The following TRPM3 variants were observed in gnomAD, a reference collection of about 807,000 sequenced individuals.
The protein encoded by TRPM3 is long transient receptor potential channel 3.
A neutral mutation model predicts 181.2 loss-of-function variants in TRPM3; 77 were observed. The ratio of observed to expected loss-of-function variants is 0.42; its 90% CI spans 0.35 to 0.51. TRPM3 has a LOEUF of 0.51. Ranked by LOEUF, TRPM3 falls within the 20% of genes least tolerant of loss-of-function variation. TRPM3 has a pLI of 0.01. For missense variants in TRPM3, 1,759 were observed against 2,196.7 expected, an observed-to-expected ratio of 0.80 and a Z score of 3.98; for synonymous variants, 745 against 796.4, an observed-to-expected ratio of 0.94 and a Z score of 1.09.
chr9:70,924,682 G>C (rs2096702319), intron 1 of TRPM3, among the ~76,000 whole-genome samples: 1 of 152,092 alleles, frequency 6.6e-6, no homozygotes, highest in African/African-American at 2.4e-5. Context: ...GGCCAGCTCG[G>C]TTTCTACCAT....
chr9:71,298,111 C>T (rs1006844548), intron 1 of TRPM3, among the ~76,000 whole-genome samples: 2 of 151,916 alleles, frequency 1.3e-5, no homozygotes, highest in Non-Finnish European at 1.5e-5. Context: ...AAAAAAGTTC[C>T]TCTAGTAAAC....
intron 1 of TRPM3, among the ~76,000 whole-genome samples, chr9:70,999,362 G>A (rs1413316681): frequency 6.6e-6 from 1 of 152,188 alleles, no homozygotes; most frequent in Non-Finnish European, 1.5e-5. Context: ...CCAGAATTTA[G>A]CATCATTCTT....
intron 1 of TRPM3, among the ~76,000 whole-genome samples, chr9:71,091,370 A>G (rs983902771): frequency 8.5e-5 from 13 of 152,132 alleles, no homozygotes; most frequent in Non-Finnish European, 1.6e-4. Context: ...AGTCTTAGTC[A>G]TTAGCTGGGG....
At chr9:71,374,815 AC>A (rs945526316) in intron 1 of TRPM3, among the ~76,000 whole-genome samples, 6 of 152,174 alleles carry the variant, frequency 3.9e-5, no homozygotes, top group African/African-American at 1.4e-4. Context: ...AGACAATCAG[AC>A]CCAAATCATG....
Position 70,950,693 on chromosome 9 carries a change from A to G in TRPM3, c.178-86182T>C, listed in dbSNP as rs187046007. Among the ~76,000 whole-genome samples, 253 of 152,262 alleles carry G rather than the reference A, an allele frequency of 1.7e-3. 1 individual carries two copies. The highest frequency in any genetic ancestry group is 5.8e-3 in the African/African-American group (243 of 41,568). On this transcript the variant is annotated intron_variant, in intron 1 of 25. Coordinates refer to ENST00000677713, the MANE Select transcript of TRPM3 (RefSeq NM_001366145.2). ...AAAGAGGAGAAAACCAACATTAGAAACTATGAATTCACTGAAATTAAGAAG... is the reference window on the plus strand; with the variant it reads ...AAAGAGGAGAAAACCAACATTAGAAGCTATGAATTCACTGAAATTAAGAAG...
At chr9:71,282,674 C>A (rs544783885) in intron 1 of TRPM3, among the ~76,000 whole-genome samples, 1 of 152,236 alleles carries the variant, frequency 6.6e-6, no homozygotes, top group Admixed American at 6.5e-5. Context: ...TAAGACTCAC[C>A]AGCATGAGAA....
At chr9:70,621,125 ATATAT>A (rs952272294) in intron 15 of TRPM3, 114 bp downstream of exon 15, 21 of 259,218 alleles carry the variant, frequency 8.1e-5, no homozygotes, top group Non-Finnish European at 1.4e-4. Context: ...TATATAGTAT[ATATAT>A]TATGTGTATA....
chr9:70,947,348 T>C (rs1359885350), intron 1 of TRPM3, among the ~76,000 whole-genome samples: 1 of 152,166 alleles, frequency 6.6e-6, no homozygotes, highest in Non-Finnish European at 1.5e-5. Flanking sequence ...AAACTTAGGT[T>C]TTTCTAGGTC....
chr9:71,005,361 G>A (rs974379620), intron 1 of TRPM3, among the ~76,000 whole-genome samples: 6 of 151,750 alleles, frequency 4.0e-5, no homozygotes, highest in African/African-American at 7.3e-5. Flanking sequence ...AGCTGAGATC[G>A]CACCATTGTA....
chr9:70,536,701 A>G lies in TRPM3; in HGVS notation c.4412T>C (p.Ile1471Thr), dbSNP rs776544359. ...CATGGAGGTGATGTCCTCAAAATCAATGCTCCGGCTTGGAGGTCTGTCTGT... is the reference window on the plus strand; with the variant it reads ...CATGGAGGTGATGTCCTCAAAATCAGTGCTCCGGCTTGGAGGTCTGTCTGT... ...APTDRPPSRS[I>T]DFEDITSMDT... The change falls in exon 26 of 26, where the codon ATT (isoleucine) becomes ACT (threonine). Residue 1471 changes from isoleucine to threonine, a missense_variant. Physicochemically the swap from Ile to Thr is moderately conservative, Grantham distance 89 (BLOSUM62 -1). Coordinates refer to ENST00000677713, the MANE Select transcript of TRPM3 (RefSeq NM_001366145.2). 28 of 1,613,952 alleles carry G rather than the reference A, an allele frequency of 1.7e-5. No homozygotes were observed. The highest frequency in any genetic ancestry group is 4.4e-5 in the South Asian group (4 of 91,068).
intron 8 of TRPM3, among the ~76,000 whole-genome samples, chr9:70,737,678 A>G (rs1232294158): frequency 3.4e-5 from 5 of 146,506 alleles, no homozygotes; most frequent in Non-Finnish European, 7.5e-5. Flanking sequence ...AGTGGAAAAA[A>G]ATATTCCATG....
At position 71,242,877 on chromosome 9, in the gene TRPM3, A is replaced by G. The variant is rs577367458; in HGVS notation, c.183+203776T>C. Among the ~76,000 whole-genome samples, 193 of 152,142 alleles carry G rather than the reference A, an allele frequency of 1.3e-3. 1 individual carries two copies. The highest frequency in any genetic ancestry group is 4.1e-3 in the African/African-American group (169 of 41,416). On this transcript the variant is annotated intron_variant, in intron 1 of 24. Coordinates refer to the TRPM3 transcript ENST00000357533. ...CTTCCAAGGACTCCCCATTGCCTCA[A>G]AGTAAAATGCATGCTGCTTATCCAG...
intron 7 of TRPM3, among the ~76,000 whole-genome samples, chr9:70,779,396 A>T (rs1313727185): frequency 5.3e-5 from 8 of 152,218 alleles, no homozygotes; most frequent in Admixed American, 5.2e-4. Flanking sequence ...AAACATAAAA[A>T]TCCGTAATAA....
At chr9:71,137,078 T>C (rs931219213) in intron 1 of TRPM3, among the ~76,000 whole-genome samples, 1 of 152,224 alleles carries the variant, frequency 6.6e-6, no homozygotes, top group Non-Finnish European at 1.5e-5. Flanking sequence ...TCAATATTTA[T>C]GTTTCATTTT....
intron 5 of TRPM3, among the ~76,000 whole-genome samples, chr9:70,840,429 GTGGTTTGCCTT>G (rs555699476): frequency 6.5e-4 from 99 of 152,238 alleles, no homozygotes; most frequent in African/African-American, 2.2e-3. Context: ...TTTGTGAGCT[GTGGTTTGCCTT>G]TACGAGACCC....
intron 1 of TRPM3, among the ~76,000 whole-genome samples, chr9:70,988,582 A>G (rs1387247975): frequency 6.6e-6 from 1 of 152,188 alleles, no homozygotes; most frequent in Non-Finnish European, 1.5e-5. Context: ...CCAGCCAGTG[A>G]TTATTCAATG....
chr9:71,210,291 T>C (rs1272153934), intron 1 of TRPM3, among the ~76,000 whole-genome samples: 1 of 152,216 alleles, frequency 6.6e-6, no homozygotes, highest in Non-Finnish European at 1.5e-5. Flanking sequence ...GCTGCCTAGT[T>C]GCAGGAAAAC....
At chr9:71,125,677 A>G (rs1471504006), upstream of TRPM3, among the ~76,000 whole-genome samples, 1 of 152,174 alleles carries the variant, frequency 6.6e-6, no homozygotes, top group African/African-American at 2.4e-5. Flanking sequence ...TATCTTTAAA[A>G]TAGAATGATT....
At chr9:70,947,938 A>G (rs1439494357) in intron 1 of TRPM3, among the ~76,000 whole-genome samples, 1 of 152,148 alleles carries the variant, frequency 6.6e-6, no homozygotes, top group African/African-American at 2.4e-5. Context: ...AAGTAGGGGA[A>G]AGTTACTATT....
Sources: gnomAD v4.1 joint callset for allele counts (sites outside exome capture counted in the v4.1 genomes callset) on GRCh38, gnomAD v4.1.1 for gene constraint, MANE v1.5 for transcripts, NCBI Gene and HGNC (gene_info 2026-07-23, HGNC 2026-07-21) for gene names.